Variants in GABBR2 observed in about 807,000 individuals in gnomAD.
The protein encoded by GABBR2 is G-protein coupled receptor 51.
In GABBR2, 23 loss-of-function variants were observed where a neutral mutation model predicts 105.6. That is an observed-to-expected ratio of 0.22 (90% CI 0.16 to 0.31). GABBR2 has a LOEUF of 0.31. GABBR2 is among the 10% of genes least tolerant of loss of function. The probability of loss-of-function intolerance (pLI) is 1.00; values close to 1 mark genes in which losing one functional copy is unlikely to be tolerated. For missense variants in GABBR2, 734 were observed against 1,245.5 expected (o/e 0.59, Z 6.18); for synonymous variants, 478 against 499.7 (o/e 0.96, Z 0.58).
chr9:98,522,744 A>G (rs933458939), intron 3 of GABBR2, among the ~76,000 whole-genome samples: 4 of 152,226 alleles, frequency 2.6e-5, no homozygotes, highest in African/African-American at 7.2e-5. Flanking sequence ...AAACTGACTC[A>G]TGTCAGAAGA....
At chr9:98,493,650 C>T (rs1827221593) in intron 4 of GABBR2, among the ~76,000 whole-genome samples, 1 of 152,184 alleles carries the variant, frequency 6.6e-6, no homozygotes, top group Non-Finnish European at 1.5e-5. Flanking sequence ...TCTTGTCTGT[C>T]CTCTGTACCT....
At chr9:98,453,081 CA>C (rs1826260606) in intron 7 of GABBR2, among the ~76,000 whole-genome samples, 1 of 152,126 alleles carries the variant, frequency 6.6e-6, no homozygotes, top group African/African-American at 2.4e-5. Flanking sequence ...GGCTGGAGTG[CA>C]ATGACGCGAT....
At chr9:98,467,506 T>C (rs1249028835) in intron 6 of GABBR2, among the ~76,000 whole-genome samples, 1 of 152,164 alleles carries the variant, frequency 6.6e-6, no homozygotes, top group Non-Finnish European at 1.5e-5. Flanking sequence ...CTGGGCTCTC[T>C]GGGGAGTTCT....
intron 14 of GABBR2, among the ~76,000 whole-genome samples, chr9:98,308,945 G>C (rs536070608): frequency 6.6e-6 from 1 of 152,270 alleles, no homozygotes; most frequent in East Asian, 1.9e-4. Flanking sequence ...GAAGCAGTTA[G>C]TCAATGAATG....
rs554482793 is a variant in GABBR2 at position 98,468,419 on chromosome 9, C to T, written c.999+4727G>A. Among the ~76,000 whole-genome samples the T allele has an allele frequency of 5.3e-5, 8 of 152,272 alleles. No individual in the cohort carries two copies. The South Asian group carries it at 1.2e-3, about 24-fold the overall frequency. On this transcript the variant is annotated intron_variant, in intron 6 of 18. Coordinates refer to ENST00000259455, the MANE Select transcript of GABBR2 (RefSeq NM_005458.8). ...GAGGACAGGGGTTTGACAAATACAACCTGTGCAGGGCTGTGCTAGGATGAA... is the reference window on the plus strand; with the variant it reads ...GAGGACAGGGGTTTGACAAATACAATCTGTGCAGGGCTGTGCTAGGATGAA...
chr9:98,298,853 G>A (rs1193179758), intron 17 of GABBR2, among the ~76,000 whole-genome samples: 3 of 152,168 alleles, frequency 2.0e-5, no homozygotes, highest in Admixed American at 6.5e-5. Context: ...ACATTGATGA[G>A]GTGTGTTTGA....
At position 98,577,057 on chromosome 9, in the gene GABBR2, T is replaced by C. The variant is rs60203152; in HGVS notation, c.459+878A>G. On this transcript the variant is annotated intron_variant, in intron 2 of 18. Transcript: ENST00000259455. ...ATGGATGGATAGGTGGATGGATGGA[T>C]GGACAGATGGATGGATGGATAGGTG... is the stretch of plus-strand genomic sequence containing the variant. 7.3e-3 allele frequency among the ~76,000 whole-genome samples: 963 copies of C among 132,328 alleles called. 60 individuals carry two copies. Among genetic ancestry groups the C allele is most frequent in the African/African-American group, 0.029 (906 of 31,438 alleles). 86.8% of individuals were successfully genotyped at this position (132,328 alleles called of 152,430 possible).
rs1186904610 is a variant in GABBR2, at chr9:98,549,287, AT to A, written c.460-7245del. ...ATAGTTTCAAAGGAAAGCTAAAAAA[AT>A]GTTTTATTGGGTACCAAATGTTTTA... On this transcript the variant is annotated intron_variant, in intron 2 of 18. Coordinates refer to ENST00000259455, the MANE Select transcript of GABBR2 (RefSeq NM_005458.8). Among the ~76,000 whole-genome samples, 2 of 127,652 alleles carry A rather than the reference AT, an allele frequency of 1.6e-5. 1 individual carries two copies. The highest frequency in any genetic ancestry group is 5.1e-5 in the African/African-American group (2 of 38,942). The allele number at this position is 127,652 out of a possible 152,430, so 83.7% of individuals were successfully genotyped here. A position where few individuals can be genotyped will look rare whatever the true frequency, so the allele number is the denominator to read the frequency against.
chr9:98,403,258 C>T (rs1423384019), intron 8 of GABBR2, among the ~76,000 whole-genome samples: 1 of 135,182 alleles, frequency 7.4e-6, no homozygotes, highest in Non-Finnish European at 1.5e-5. Context: ...TGTGCCACTG[C>T]ACTCCAGCCT....
At chr9:98,692,204 G>C (rs1291934203) in intron 1 of GABBR2, among the ~76,000 whole-genome samples, 2 of 152,168 alleles carry the variant, frequency 1.3e-5, no homozygotes, top group East Asian at 3.9e-4. Flanking sequence ...CCTAAGGGCA[G>C]AGGTCACACC....
At chr9:98,605,826 G>A (rs1338769703) in intron 1 of GABBR2, among the ~76,000 whole-genome samples, 2 of 151,980 alleles carry the variant, frequency 1.3e-5, no homozygotes, top group African/African-American at 2.4e-5. Flanking sequence ...TGTGCACAAC[G>A]TGGTCTGTTA....
intron 3 of GABBR2, among the ~76,000 whole-genome samples, chr9:98,521,902 A>C (rs750588909): frequency 6.6e-6 from 1 of 152,242 alleles, no homozygotes; most frequent in Non-Finnish European, 1.5e-5. Context: ...GAATTCAAGC[A>C]AAGAAAGAAT....
At chr9:98,476,692 C>T (rs1930415) in intron 5 of GABBR2, among the ~76,000 whole-genome samples, 36,689 of 152,096 alleles carry the variant, frequency 0.24, 4,859 homozygotes, top group East Asian at 0.52. Context: ...GAGAAGACTG[C>T]CCCAAACACC....
intron 3 of GABBR2, among the ~76,000 whole-genome samples, chr9:98,523,012 C>T (rs546655063): frequency 8.6e-5 from 13 of 151,948 alleles, no homozygotes; most frequent in East Asian, 5.8e-4. Context: ...AGTAGAAGAC[C>T]GATATTTTAA....
At chr9:98,683,231 T>C (rs1426431129) in intron 1 of GABBR2, among the ~76,000 whole-genome samples, 1 of 152,200 alleles carries the variant, frequency 6.6e-6, no homozygotes, top group East Asian at 1.9e-4. Flanking sequence ...GTACCTGAGA[T>C]TACAGGCATG....
At chr9:98,399,982 G>T (rs1832361548) in intron 8 of GABBR2, among the ~76,000 whole-genome samples, 1 of 149,438 alleles carries the variant, frequency 6.7e-6, no homozygotes, top group African/African-American at 2.5e-5. Flanking sequence ...TTTGAGACCT[G>T]CTTGGGCAAC....
chr9:98,501,445 G>A (rs1229832628), intron 3 of GABBR2, among the ~76,000 whole-genome samples: 2 of 152,200 alleles, frequency 1.3e-5, no homozygotes, highest in Non-Finnish European at 2.9e-5. Flanking sequence ...AATTATAGGC[G>A]TGAGCCACTG....
intron 1 of GABBR2, among the ~76,000 whole-genome samples, chr9:98,591,428 G>C (rs1314984107): frequency 6.6e-6 from 1 of 152,216 alleles, no homozygotes; most frequent in Non-Finnish European, 1.5e-5. Context: ...GCAGTAAGAA[G>C]TCACTGCAGC....
intron 9 of GABBR2, 94 bp from the exon 10 acceptor site, chr9:98,389,098 T>G (rs1832132943): frequency 8.9e-7 from 1 of 1,120,688 alleles, no homozygotes; most frequent in Non-Finnish European, 1.3e-6. Context: ...AGCCAGGCCC[T>G]GCGCACAAAC....
Sources: allele counts gnomAD v4.1 joint callset (sites outside exome capture counted in the v4.1 genomes callset), GRCh38; gene constraint gnomAD v4.1.1; transcripts MANE v1.5; gene names NCBI Gene and HGNC (gene_info 2026-07-23, HGNC 2026-07-21).